ERI3: variants seen among roughly 807,000 people sequenced by gnomAD.
The protein encoded by ERI3 is ERI1 exoribonuclease 3.
ERI3 carries 18 observed loss-of-function variants against 44.4 expected under a neutral mutation model. The ratio of observed to expected loss-of-function variants is 0.41; its 90% CI spans 0.28 to 0.60. The LOEUF (loss-of-function observed/expected upper bound fraction) is 0.60. Among genes scored for constraint, ERI3 ranks in the 20% least tolerant of loss-of-function variants. The pLI is 0.36. For missense variants in ERI3, 294 were observed against 435.5 expected (o/e 0.68, Z 2.89); for synonymous variants, 183 against 164.8 (o/e 1.11, Z -0.84).
rs1394205316 is a variant in ERI3, at chr1:44,355,003, A to T, written c.24T>A (p.Ala8=). MATASPA[A]DGGRGRPWEG... ...CCCAGGGCCGCCCCCGCCCCCCGTC[A>T]GCAGCGGGAGAGGCTGTCGCCATGG... is the stretch of plus-strand genomic sequence containing the variant. Residue 8 remains alanine, a synonymous_variant, in exon 1 of 9, where the codon GCT becomes GCA. Transcript: ENST00000372257. 7.2e-7 allele frequency: 1 copy of T among 1,384,328 alleles called. No homozygotes were observed. Among genetic ancestry groups the T allele is most frequent in the Non-Finnish European group, 9.4e-7 (1 of 1,063,912 alleles). The allele number at this position is 1,384,328 out of a possible 1,614,324, so 85.8% of individuals were successfully genotyped here.
Position 44,309,916 on chromosome 1 carries a change from A to G in ERI3, c.667-1515T>C, listed in dbSNP as rs546631455. 7.9e-5 allele frequency among the ~76,000 whole-genome samples: 12 copies of G among 151,486 alleles called. No individual in the cohort carries two copies. In the South Asian group the frequency reaches 2.3e-3, roughly 29 times the overall value. On this transcript the variant is annotated intron_variant, in intron 5 of 8. Transcript: ENST00000372257. ...ATAGTCATTAAAAATGCAGGATTGG[A>G]AGTCAGACACATCTGGATTCCAACC...
rs778202492 is a variant in ERI3, at chr1:44,227,401, C to T, written c.932-5761G>A. ...ACAGCAGGATCCTTGGGTGTGTCCACGTTCTAGAACCTCAACTGTTGCCAC... is the reference window on the plus strand; with the variant it reads ...ACAGCAGGATCCTTGGGTGTGTCCATGTTCTAGAACCTCAACTGTTGCCAC... On this transcript the variant is annotated intron_variant, in intron 8 of 8. Coordinates refer to ENST00000372257, the MANE Select transcript of ERI3 (RefSeq NM_024066.3). 5.8e-4 allele frequency among the ~76,000 whole-genome samples: 89 copies of T among 152,186 alleles called. No homozygotes were observed. In the Middle Eastern group the frequency reaches 0.01, roughly 17 times the overall value.
chr1:44,348,012 C>G (rs1029834350), intron 2 of ERI3, among the ~76,000 whole-genome samples: 2 of 151,906 alleles, frequency 1.3e-5, no homozygotes, highest in African/African-American at 4.8e-5. Flanking sequence ...TTCCCAGCAC[C>G]CAGCACAGGA....
intron 6 of ERI3, among the ~76,000 whole-genome samples, chr1:44,307,116 C>G (rs1645853580): frequency 1.3e-5 from 2 of 152,186 alleles, no homozygotes; most frequent in South Asian, 4.1e-4. Flanking sequence ...TGGAGTAAAC[C>G]AAGAGGGGTG....
intron 7 of ERI3, among the ~76,000 whole-genome samples, chr1:44,249,235 C>T (rs1450807427): frequency 6.6e-6 from 1 of 152,136 alleles, no homozygotes; most frequent in Admixed American, 6.5e-5. Context: ...GGGCAGTGGT[C>T]AGAATGAAGC....
rs778879330 is a variant in ERI3 at position 44,355,009 on chromosome 1, G to C, written c.18C>G (p.Pro6=). The part of the protein sequence containing the change: MATAS[P]AADGGRGRPW... ...GCCGCCCCCGCCCCCCGTCAGCAGC[G>C]GGAGAGGCTGTCGCCATGGCAACGC... Residue 6 remains proline (P), a synonymous_variant, in exon 1 of 9, where the codon CCC becomes CCG. Coordinates refer to ENST00000372257, the MANE Select transcript of ERI3 (RefSeq NM_024066.3). 4.3e-6 allele frequency: 6 copies of C among 1,388,084 alleles called. No individual in the cohort carries two copies. The South Asian group carries it at 7.8e-5, about 18-fold the overall frequency. 86.0% of individuals were successfully genotyped at this position (1,388,084 alleles called of 1,614,324 possible).
At chr1:44,340,528 C>T (rs922844224) in intron 2 of ERI3, among the ~76,000 whole-genome samples, 2 of 152,150 alleles carry the variant, frequency 1.3e-5, no homozygotes, top group African/African-American at 2.4e-5. Context: ...AAGTCCAGCG[C>T]GTACTCAAAG....
intron 2 of ERI3, among the ~76,000 whole-genome samples, chr1:44,342,826 T>TATATAC (rs1646687908): frequency 5.8e-5 from 1 of 17,292 alleles, no homozygotes; most frequent in Non-Finnish European, 1.1e-4. Context: ...TATATATATA[T>TATATAC]ATATATATAT....
intron 2 of ERI3, among the ~76,000 whole-genome samples, chr1:44,342,845 ATATATATATATATTT>A (rs1646702500): frequency 3.3e-5 from 1 of 30,706 alleles, no homozygotes; most frequent in Non-Finnish European, 5.6e-5. Context: ...ATATATATAT[ATATATATATATATTT>A]TTTTTTTTTT....
At chr1:44,250,202 G>C (rs116280768) in intron 7 of ERI3, among the ~76,000 whole-genome samples, 1 of 152,198 alleles carries the variant, frequency 6.6e-6, no homozygotes, top group Non-Finnish European at 1.5e-5. Context: ...TTAAACACTT[G>C]CATTAGCAGG....
Position 44,339,367 on chromosome 1 carries a change from A to AG in ERI3, c.212-46dup, listed in dbSNP as rs754399382. 6.0e-5 allele frequency: 85 copies of AG among 1,417,290 alleles called. No homozygotes were observed. The East Asian group carries it at 2.1e-3, about 34-fold the overall frequency. The allele number at this position is 1,417,290 out of a possible 1,614,324, so 87.8% of individuals were successfully genotyped here. A position where few individuals can be genotyped will look rare whatever the true frequency, so the allele number is the denominator to read the frequency against. On this transcript the variant is annotated intron_variant, in intron 2 of 8. Transcript: ENST00000372257. ...AAAAAAAAAAAAAAAAAGAAAAGAA[A>AG]GAAAAAAAAAAAAAGAACAGAGAGC...
Position 44,339,169 on chromosome 1 carries a change from T to C in ERI3, c.365A>G (p.Lys122Arg), listed in dbSNP as rs1475412945. 6.2e-7 allele frequency: 1 copy of C among 1,613,942 alleles called. No homozygotes were observed. Among genetic ancestry groups the C allele is most frequent in the South Asian group, 1.1e-5 (1 of 91,070 alleles). ...TGCGCCAAAGCCGTGGGCCGCCAGCTTTCTGGTGGATATGGAGCAGAACTC... is the reference window on the plus strand; with the variant it reads ...TGCGCCAAAGCCGTGGGCCGCCAGCCTTCTGGTGGATATGGAGCAGAACTC... The part of the protein sequence containing the change: ...VPEFCSISTR[K>R]LAAHGFGASM... The change falls in exon 3 of 9, where the codon AAG becomes AGG. Residue 122 changes from lysine (K) to arginine (R), a missense_variant. Physicochemically the swap from Lys to Arg is conservative, Grantham distance 26 (BLOSUM62 2). Coordinates refer to ENST00000372257, the MANE Select transcript of ERI3 (RefSeq NM_024066.3).
At chr1:44,333,551 G>C (rs941061005) in intron 3 of ERI3, among the ~76,000 whole-genome samples, 10 of 152,242 alleles carry the variant, frequency 6.6e-5, no homozygotes, top group African/African-American at 1.9e-4. Flanking sequence ...CAGAGAGAAG[G>C]AAAGAAGCTA....
At chr1:44,244,239 A>G (rs1340420197) in intron 8 of ERI3, 1 of 153,024 alleles carries the variant, frequency 6.5e-6, no homozygotes, top group East Asian at 1.9e-4. Context: ...TGCAGGCCCT[A>G]CTCACCACAA....
rs76185194 is a variant in ERI3 at position 44,298,631 on chromosome 1, C to A, written c.758+9679G>T. Among the ~76,000 whole-genome samples, 146 of 152,244 alleles carry A rather than the reference C, an allele frequency of 9.6e-4. 2 individuals carry two copies. In the East Asian group the frequency reaches 0.021, roughly 22 times the overall value. On this transcript the variant is annotated intron_variant, in intron 6 of 8. Transcript: ENST00000372257. ...TATGTTATGCAAAAGAAGTCAGACA[C>A]AGGTCGGGTGCGGTGTCTCATGCCT...
chr1:44,230,804 T>A (rs1280315572), intron 8 of ERI3, among the ~76,000 whole-genome samples: 3 of 152,244 alleles, frequency 2.0e-5, no homozygotes, highest in African/African-American at 7.2e-5. Flanking sequence ...ACTTTAGTAC[T>A]AATGGCCTTC....
chr1:44,247,205 A>G (rs1284043560), intron 8 of ERI3, among the ~76,000 whole-genome samples: 2 of 152,238 alleles, frequency 1.3e-5, no homozygotes, highest in Non-Finnish European at 2.9e-5. Flanking sequence ...TTATACTCTG[A>G]GTCTGACACA....
chr1:44,352,893 T>C lies in ERI3; in HGVS notation c.168A>G (p.Ser56=), dbSNP rs772875297. ...HWGFPALTEP[S]ASPAAGLGIF... ...TGCCAAGACCGGCAGCTGGGGATGC[T>C]GAAGGTTCTGTGAGAGCTGGAAAGC... Residue 56 remains serine, a synonymous_variant, in exon 2 of 9, where the codon TCA becomes TCG. Transcript: ENST00000372257. 1.2e-6 allele frequency: 2 copies of C among 1,614,052 alleles called. No homozygotes were observed. Among genetic ancestry groups the C allele is most frequent in the Non-Finnish European group, 1.7e-6 (2 of 1,180,034 alleles).
At chr1:44,294,151 C>A (rs999188773) in intron 6 of ERI3, among the ~76,000 whole-genome samples, 4 of 152,244 alleles carry the variant, frequency 2.6e-5, no homozygotes, top group Admixed American at 1.3e-4. Flanking sequence ...CCGTCACCTG[C>A]GTCTGGGTCT....
Sources: allele counts gnomAD v4.1 joint callset (sites outside exome capture counted in the v4.1 genomes callset), GRCh38; gene constraint gnomAD v4.1.1; transcripts MANE v1.5; gene names NCBI Gene and HGNC (gene_info 2026-07-23, HGNC 2026-07-21).